ANKRD37: variants seen among roughly 807,000 people sequenced by gnomAD.
ANKRD37 encodes the protein ankyrin repeat domain-containing protein 37.
Under a neutral mutation model 19.7 loss-of-function variants are expected in ANKRD37, and 17 were observed. The observed-to-expected ratio is 0.86, with a 90% CI of 0.59 to 1.29. The LOEUF is 1.29. Among genes scored for constraint, ANKRD37 ranks in the 50% most tolerant of loss-of-function variants. ANKRD37 has a pLI of 0.00. For synonymous variants in ANKRD37, 79 were observed against 74.5 expected (o/e 1.06, Z -0.31); for missense variants, 207 against 190.4 (o/e 1.09, Z -0.51).
In ANKRD37 at chr4:185,396,959, C is replaced by G. The variant is rs1279136790; in HGVS notation, c.27+9C>G. On this transcript the variant is annotated intron_variant, in intron 1 of 4. Transcript: ENST00000335174. ...TGGATTGCAACCCCGAGGTGAGATT[C>G]GGGCTCACAGAGCCCGAGCTTTTGT... 8 of 1,613,454 alleles carry G rather than the reference C, an allele frequency of 5.0e-6. No homozygotes were observed. The highest frequency in any genetic ancestry group is 1.7e-4 in the Middle Eastern group (1 of 5,998).
chr4:185,398,177 C>T (rs191989094), intron 2 of ANKRD37, among the ~76,000 whole-genome samples: 9 of 152,094 alleles, frequency 5.9e-5, no homozygotes, highest in Non-Finnish European at 8.8e-5. Context: ...AGGCTGGTCT[C>T]GAACTCCTGA....
chr4:185,399,548 T>TC, intron 3 of ANKRD37, 22 bp from the exon 4 acceptor site: 2 of 1,612,334 alleles, frequency 1.2e-6, no homozygotes, highest in Non-Finnish European at 1.7e-6. Context: ...TTCATTTCAC[T>TC]CCGTTTTTAT....
At position 185,398,013 on chromosome 4, in the gene ANKRD37, A is replaced by G. The variant is rs140261933; in HGVS notation, c.180+711A>G. Among the ~76,000 whole-genome samples the G allele has an allele frequency of 9.9e-3, 1,514 of 152,344 alleles. 35 individuals carry two copies. The highest frequency in any genetic ancestry group is 0.035 in the African/African-American group (1,446 of 41,576). On this transcript the variant is annotated intron_variant, in intron 2 of 4. Coordinates refer to ENST00000335174, the MANE Select transcript of ANKRD37 (RefSeq NM_181726.4). Reference sequence around the variant, plus strand: ...GCTTTTGTCGCCCAGACTGGAGTGCAATGGCGCGATCTCGGCTCACTGCAA... The same window carrying G: ...GCTTTTGTCGCCCAGACTGGAGTGCGATGGCGCGATCTCGGCTCACTGCAA...
chr4:185,400,579 ACT>A, downstream of ANKRD37: 1 of 715,342 alleles, frequency 1.4e-6, no homozygotes, highest in Non-Finnish European at 2.3e-6. Flanking sequence ...TTGGAATAAG[ACT>A]CTAAATGGCT....
At chr4:185,399,977 T>A (rs1554022384) in intron 4 of ANKRD37, 40 bp from the exon 5 acceptor site, 19 of 1,594,708 alleles carry the variant, frequency 1.2e-5, no homozygotes, top group Non-Finnish European at 1.4e-5. Context: ...AAACTCTTTT[T>A]AAAAAAAAGT....
chr4:185,397,223 C>G lies in ANKRD37; in HGVS notation c.101C>G (p.Pro34Arg). ...CCCCCGGATCCCTGCAAGCAGTCGC[C>G]TGTCCACTTAGCCGCAGGAAGCGGC... is the stretch of plus-strand genomic sequence containing the variant. ...NAPPDPCKQSPVHLAAGSGLA... is the reference protein window; with the variant it reads ...NAPPDPCKQSRVHLAAGSGLA... Residue 34 changes from proline to arginine, a missense_variant, in exon 2 of 5, where the codon CCT becomes CGT. Transcript: ENST00000335174. The G allele has an allele frequency of 3.1e-6, 5 of 1,614,150 alleles. No homozygotes were observed. Among genetic ancestry groups the G allele is most frequent in the Non-Finnish European group, 4.2e-6 (5 of 1,180,032 alleles).
chr4:185,396,928 T>C lies in ANKRD37; in HGVS notation c.5T>C (p.Leu2Pro), dbSNP rs532006092. 5.6e-6 allele frequency: 9 copies of C among 1,613,720 alleles called. No homozygotes were observed. In the East Asian group the frequency reaches 2.0e-4, roughly 36 times the overall value. Residue 2 changes from leucine (L) to proline (P), a missense_variant, in exon 1 of 5, where the codon CTG becomes CCG. Coordinates refer to ENST00000335174, the MANE Select transcript of ANKRD37 (RefSeq NM_181726.4). M[L>P]LLDCNPEVDG... The stretch of plus-strand genomic sequence containing the variant: ...GTCATCTGCCTTAGGCGGGAAATGC[T>C]GTTGCTGGATTGCAACCCCGAGGTG...
At position 185,400,064 on chromosome 4, in the gene ANKRD37, C is replaced by G. The variant is rs755142086; in HGVS notation, c.*47C>G. 11 of 1,511,142 alleles carry G rather than the reference C, an allele frequency of 7.3e-6. No homozygotes were observed. Among genetic ancestry groups the G allele is most frequent in the African/African-American group, 1.4e-5 (1 of 71,820 alleles). 93.6% of individuals were successfully genotyped at this position (1,511,142 alleles called of 1,614,324 possible). A position where few individuals can be genotyped will look rare whatever the true frequency, so the allele number is the denominator to read the frequency against. On this transcript the variant is annotated 3_prime_UTR_variant, in exon 5 of 5. Coordinates refer to ENST00000335174, the MANE Select transcript of ANKRD37 (RefSeq NM_181726.4). ...GTCTGAAGAACGCCTTCATTTCATG[C>G]AAATCTATAAGCTCCTGCTTTTGGC... is the stretch of plus-strand genomic sequence containing the variant.
rs1049990788 is a variant in ANKRD37, at chr4:185,399,606, C to T, written c.309C>T (p.Leu103=). 1.9e-6 allele frequency: 3 copies of T among 1,614,064 alleles called. No individual in the cohort carries two copies. The highest frequency in any genetic ancestry group is 2.2e-5 in the East Asian group (1 of 44,902). The part of the protein sequence containing the change: ...CNKNGQTAED[L]AWSCGFPDCA... The stretch of plus-strand genomic sequence containing the variant: ...AGAACGGGCAAACAGCTGAAGATCT[C>T]GCTTGGTCATGTGGATTTCCAGACT... Residue 103 remains leucine, a synonymous_variant, in exon 4 of 5, where the codon CTC becomes CTT. Coordinates refer to ENST00000335174, the MANE Select transcript of ANKRD37 (RefSeq NM_181726.4).
Position 185,396,968 on chromosome 4 carries a change from A to G in ANKRD37, c.27+18A>G. The G allele has an allele frequency of 5.0e-6, 8 of 1,613,260 alleles. No individual in the cohort carries two copies. The highest frequency in any genetic ancestry group is 6.8e-6 in the Non-Finnish European group (8 of 1,179,902). On this transcript the variant is annotated intron_variant, in intron 1 of 4. Transcript: ENST00000335174. ...ACCCCGAGGTGAGATTCGGGCTCAC[A>G]GAGCCCGAGCTTTTGTCCTGCAGGC...
chr4:185,397,598 G>C (rs2095506658), intron 2 of ANKRD37: 1 of 338,364 alleles, frequency 3.0e-6, no homozygotes, highest in Admixed American at 4.7e-5. Context: ...CAAAGCAATT[G>C]CTGATTAGAT....
At position 185,397,189 on chromosome 4, in the gene ANKRD37, G is replaced by A; in HGVS notation, c.67G>A (p.Val23Ile). The change falls in exon 2 of 5, where the codon GTC becomes ATC. Residue 23 changes from valine (V) to isoleucine (I), a missense_variant. Physicochemically the swap from Val to Ile is conservative, Grantham distance 29 (BLOSUM62 3). Transcript: ENST00000335174. ...GCATTTGCTGGAGACAGGGGCCTCG[G>A]TCAACGCACCCCCGGATCCCTGCAA... ...LKHLLETGAS[V>I]NAPPDPCKQS... 1 of 1,613,870 alleles carries A rather than the reference G, an allele frequency of 6.2e-7. No individual in the cohort carries two copies. The highest frequency in any genetic ancestry group is 1.3e-5 in the African/African-American group (1 of 75,034).
At position 185,397,138 on chromosome 4, in the gene ANKRD37, C is replaced by T. The variant is rs1214555053; in HGVS notation, c.28-12C>T. 1 of 1,613,014 alleles carries T rather than the reference C, an allele frequency of 6.2e-7. No individual in the cohort carries two copies. On this transcript the variant is annotated splice_polypyrimidine_tract_variant and intron_variant, in intron 1 of 4. Transcript: ENST00000335174. ...AGGTGGGAAGGGTGCTGGATCTGTT[C>T]TCTTCCTGCAGGTGGATGGTCTGAA... is the stretch of plus-strand genomic sequence containing the variant.
chr4:185,400,581 T>C, downstream of ANKRD37: 2 of 685,104 alleles, frequency 2.9e-6, no homozygotes, highest in African/African-American at 1.8e-5. Context: ...GGAATAAGAC[T>C]CTAAATGGCT....
At chr4:185,399,363 C>T (rs2095510277) in intron 3 of ANKRD37, among the ~76,000 whole-genome samples, 2 of 152,186 alleles carry the variant, frequency 1.3e-5, no homozygotes, top group Non-Finnish European at 2.9e-5. Flanking sequence ...TTCTAACATT[C>T]ATTCAGAACT....
Position 185,399,636 on chromosome 4 carries a change from C to T in ANKRD37, c.339C>T (p.Ala113=). Reference sequence around the variant, plus strand: ...GGTCATGTGGATTTCCAGACTGTGCCAAGTTTCTTACAACAATTAAATGTA... The same window carrying T: ...GGTCATGTGGATTTCCAGACTGTGCTAAGTTTCTTACAACAATTAAATGTA... ...LAWSCGFPDC[A]KFLTTIKCMQ... is the part of the protein sequence containing the mutation. Residue 113 remains alanine, a synonymous_variant, in exon 4 of 5, where the codon GCC becomes GCT. Coordinates refer to ENST00000335174, the MANE Select transcript of ANKRD37 (RefSeq NM_181726.4). 6.2e-7 allele frequency: 1 copy of T among 1,614,098 alleles called. No homozygotes were observed. The highest frequency in any genetic ancestry group is 8.5e-7 in the Non-Finnish European group (1 of 1,180,002).
At chr4:185,400,337 C>T, downstream of ANKRD37, 1 of 1,364,424 alleles carries the variant, frequency 7.3e-7, no homozygotes, top group South Asian at 1.3e-5. Context: ...TAAACTGATT[C>T]TTTATTCACA....
chr4:185,399,518 A>C (rs2095510463), intron 3 of ANKRD37, 52 bp from the exon 4 acceptor site: 2 of 1,589,394 alleles, frequency 1.3e-6, no homozygotes, highest in Admixed American at 1.7e-5. Context: ...GATATAAAAA[A>C]AAAGACTTAA....
chr4:185,398,329 C>G (rs1351851707), intron 2 of ANKRD37, among the ~76,000 whole-genome samples: 2 of 152,102 alleles, frequency 1.3e-5, no homozygotes, highest in African/African-American at 4.8e-5. Context: ...AAAGCTTTTG[C>G]AGCTTACCGA....
Sources: allele counts gnomAD v4.1 joint callset (sites outside exome capture counted in the v4.1 genomes callset), GRCh38; gene constraint gnomAD v4.1.1; transcripts MANE v1.5; gene names NCBI Gene and HGNC (gene_info 2026-07-23, HGNC 2026-07-21).